Variants in RGS22 observed in about 807,000 individuals in gnomAD.
RGS22 encodes regulator of G-protein signaling 22.
Under a neutral mutation model 172.9 loss-of-function variants are expected in RGS22, and 148 were observed. That is an observed-to-expected ratio of 0.86 (90% confidence interval 0.75 to 0.98). The LOEUF is 0.98. Ranked by LOEUF, RGS22 falls within the 50% of genes least tolerant of loss-of-function variation. RGS22 has a pLI of 0.00. For missense variants in RGS22, 1,347 were observed against 1,440.8 expected (o/e 0.93, Z 1.05); for synonymous variants, 458 against 480.2 (o/e 0.95, Z 0.60).
chr8:99,965,286 T>C (rs781327655), intron 24 of RGS22, 49 bp downstream of exon 24: 1 of 1,241,128 alleles, frequency 8.1e-7, no homozygotes, highest in South Asian at 1.2e-5. Context: ...CATTCCACTA[T>C]CCAATGCTCC....
chr8:100,038,618 C>CT (rs1819757817), intron 14 of RGS22: 2 of 196,016 alleles, frequency 1.0e-5, no homozygotes, highest in Non-Finnish European at 2.1e-5. Context: ...TCGGGGTCTT[C>CT]TTTTAAATCA....
intron 6 of RGS22, among the ~76,000 whole-genome samples, chr8:100,067,159 A>C (rs1810591569): frequency 6.6e-6 from 1 of 152,162 alleles, no homozygotes; most frequent in Non-Finnish European, 1.5e-5. Context: ...AGTCTAAGAA[A>C]CACTTGGAGA....
chr8:100,080,567 G>A (rs1460563336), intron 3 of RGS22: 2 of 518,178 alleles, frequency 3.9e-6, no homozygotes, highest in East Asian at 3.3e-5. Context: ...TATGCCACGA[G>A]TAAGTGTCAG....
Position 100,064,023 on chromosome 8 carries a change from C to T in RGS22, c.745G>A (p.Gly249Arg). Residue 249 changes from glycine (G) to arginine (R), a missense_variant, in exon 8 of 28, where the codon GGA becomes AGA. By Grantham distance (125) the Gly-to-Arg change is moderately radical. Transcript: ENST00000360863. ...TCCTTTTTTGTCCTAGGGTGAACTC[C>T]ATCATCAAAGATAAAATTCTCTGTA... ...SVSENFIFDD[G>R]VHPRTKKDPS... 2 of 1,511,228 alleles carry T rather than the reference C, an allele frequency of 1.3e-6. No homozygotes were observed. Among genetic ancestry groups the T allele is most frequent in the Non-Finnish European group, 8.8e-7 (1 of 1,134,814 alleles). The allele number at this position is 1,511,228 out of a possible 1,614,324, so 93.6% of individuals were successfully genotyped here. A position where few individuals can be genotyped will look rare whatever the true frequency, so the allele number is the denominator to read the frequency against.
rs368667130 is a variant in RGS22 at position 99,963,774 on chromosome 8, A to G, written c.3616-796T>C. 3.9e-5 allele frequency among the ~76,000 whole-genome samples: 6 copies of G among 152,306 alleles called. No homozygotes were observed. The East Asian group carries it at 1.2e-3, about 29-fold the overall frequency. Reference sequence around the variant, plus strand: ...TTATATGCAAATACCATGTTGTTTTATATCAGGGACTTGAGCATCTTCAGA... The same window carrying G: ...TTATATGCAAATACCATGTTGTTTTGTATCAGGGACTTGAGCATCTTCAGA... On this transcript the variant is annotated intron_variant, in intron 24 of 27. Transcript: ENST00000360863.
At chr8:99,979,358 T>TA (rs1812306027) in intron 22 of RGS22, among the ~76,000 whole-genome samples, 1 of 152,212 alleles carries the variant, frequency 6.6e-6, no homozygotes, top group Non-Finnish European at 1.5e-5. Context: ...ATAGAAGGCA[T>TA]AAAACTACTC....
intron 14 of RGS22, among the ~76,000 whole-genome samples, chr8:100,037,353 A>T: frequency 6.6e-6 from 1 of 152,210 alleles, no homozygotes; most frequent in East Asian, 1.9e-4. Context: ...TGCAAAGAGC[A>T]AGTATGTCAA....
At chr8:99,999,158 T>TAAA (rs754246728) in intron 19 of RGS22, 104 bp downstream of exon 19, 311 of 877,232 alleles carry the variant, frequency 3.5e-4, no homozygotes, top group Middle Eastern at 6.8e-4. Context: ...GCCCATTCCT[T>TAAA]AAAAAAAAAA....
Position 100,079,584 on chromosome 8 carries a change from A to G in RGS22, c.339+550T>C, listed in dbSNP as rs138263809. Among the ~76,000 whole-genome samples the G allele has an allele frequency of 6.6e-3, 1,002 of 152,342 alleles. 13 individuals are homozygous for G. Among genetic ancestry groups the G allele is most frequent in the African/African-American group, 0.022 (922 of 41,580 alleles). On this transcript the variant is annotated intron_variant, in intron 4 of 27. Coordinates refer to ENST00000360863, the MANE Select transcript of RGS22 (RefSeq NM_015668.5). ...AACCTAAGTAGTAGGTAGTAAAGGC[A>G]TCATTTGACAGATGATGAAAATCAG...
rs1457849902 is a variant in RGS22, at chr8:100,080,248, C to T, written c.225G>A (p.Gln75=). The T allele has an allele frequency of 9.3e-6, 15 of 1,613,670 alleles. No individual in the cohort carries two copies. Among genetic ancestry groups the T allele is most frequent in the Non-Finnish European group, 1.3e-5 (15 of 1,179,770 alleles). Residue 75 remains glutamine, a synonymous_variant, in exon 4 of 28, where the codon CAG becomes CAA. Coordinates refer to ENST00000360863, the MANE Select transcript of RGS22 (RefSeq NM_015668.5). ...CATCATAAATGGGATTTCGAGGTTG[C>T]TGGTTTTGTAGAATTTTTTTCAGTT... ...EKQLKKILQN[Q]QPRNPIYDVV...
At chr8:100,037,908 C>T (rs1044250367) in intron 14 of RGS22, among the ~76,000 whole-genome samples, 4 of 152,004 alleles carry the variant, frequency 2.6e-5, no homozygotes, top group Admixed American at 2.0e-4. Flanking sequence ...GGGCTGAAGC[C>T]CTTAATCTCA....
intron 18 of RGS22, among the ~76,000 whole-genome samples, chr8:100,001,201 T>TA (rs1425780091): frequency 0.015 from 465 of 30,334 alleles, 1 homozygote; most frequent in African/African-American, 0.057. Flanking sequence ...ATCCCAATTT[T>TA]TTATATATAT....
chr8:100,023,454 ACT>A (rs551176451), intron 14 of RGS22, among the ~76,000 whole-genome samples: 14 of 152,120 alleles, frequency 9.2e-5, no homozygotes, highest in African/African-American at 3.4e-4. Context: ...CTAGGGTCTC[ACT>A]CTGTTGCCAA....
intron 21 of RGS22, among the ~76,000 whole-genome samples, chr8:99,984,788 G>GACACACACACACAC (rs111285438): frequency 7.2e-6 from 1 of 139,632 alleles, no homozygotes; most frequent in African/African-American, 2.6e-5. Context: ...AGTCTTTACG[G>GACACACACACACAC]ACACACACAC....
intron 9 of RGS22, among the ~76,000 whole-genome samples, chr8:100,056,884 G>A (rs1809669981): frequency 6.6e-6 from 1 of 152,238 alleles, no homozygotes; most frequent in South Asian, 2.1e-4. Flanking sequence ...GTGGAGCTGT[G>A]AGAAGAGGGC....
intron 17 of RGS22, 134 bp downstream of exon 17, chr8:100,003,792 T>A: frequency 1.5e-6 from 1 of 681,066 alleles, no homozygotes; most frequent in Non-Finnish European, 2.3e-6. Context: ...AGATTTCAGA[T>A]AATCATGTTT....
chr8:100,027,532 G>C lies in RGS22; in HGVS notation c.2166+11399C>G, dbSNP rs1024889138. On this transcript the variant is annotated intron_variant, in intron 14 of 27. Transcript: ENST00000360863. ...GAGTCTCACTCTGTTGCCCAGGCTG[G>C]AGTGCATTGGCATGATCTCAGCTCA... 2.0e-5 allele frequency among the ~76,000 whole-genome samples: 3 copies of C among 152,008 alleles called. No individual in the cohort carries two copies. In the East Asian group the frequency reaches 5.8e-4, roughly 29 times the overall value.
At chr8:100,014,097 A>G (rs976689059) in intron 14 of RGS22, among the ~76,000 whole-genome samples, 2 of 152,204 alleles carry the variant, frequency 1.3e-5, no homozygotes, top group African/African-American at 4.8e-5. Flanking sequence ...TAACTGGGAA[A>G]AACCACTGGT....
intron 7 of RGS22, among the ~76,000 whole-genome samples, chr8:100,065,323 C>T (rs1810462659): frequency 6.6e-6 from 1 of 152,206 alleles, no homozygotes; most frequent in Admixed American, 6.5e-5. Context: ...TGCCATCCTT[C>T]TCTTCCTGTA....
Sources: gnomAD v4.1 joint callset for allele counts (sites outside exome capture counted in the v4.1 genomes callset) on GRCh38, gnomAD v4.1.1 for gene constraint, MANE v1.5 for transcripts, NCBI Gene and HGNC (gene_info 2026-07-23, HGNC 2026-07-21) for gene names.